Variants in CAAP1 observed in about 807,000 individuals in gnomAD.
CAAP1 encodes the protein conserved anti-apoptotic protein.
A neutral mutation model predicts 34.0 loss-of-function variants in CAAP1; 20 were observed. The observed-to-expected ratio is 0.59, with a 90% CI of 0.41 to 0.86. CAAP1 has a LOEUF of 0.86. Among genes scored for constraint, CAAP1 ranks in the 40% least tolerant of loss-of-function variants. CAAP1 has a pLI of 0.00. For missense variants in CAAP1, 538 were observed against 450.5 expected (o/e 1.19, Z -1.76); for synonymous variants, 213 against 166.7 (o/e 1.28, Z -2.14).
chr9:26,852,297 T>C (rs1822771579), intron 5 of CAAP1, among the ~76,000 whole-genome samples: 1 of 151,914 alleles, frequency 6.6e-6, no homozygotes, highest in Admixed American at 6.6e-5. Context: ...CTATTAAAAA[T>C]ACAAAAAATT....
chr9:26,889,231 A>C (rs1823837405), intron 1 of CAAP1, among the ~76,000 whole-genome samples: 1 of 152,100 alleles, frequency 6.6e-6, no homozygotes, highest in African/African-American at 2.4e-5. Flanking sequence ...AGCCTGGCCA[A>C]CATGGTGAAA....
chr9:26,885,201 C>T (rs1356393735), intron 3 of CAAP1, among the ~76,000 whole-genome samples: 5 of 151,424 alleles, frequency 3.3e-5, no homozygotes, highest in Non-Finnish European at 7.4e-5. Flanking sequence ...CTCAGCCTCC[C>T]GAGCAGCTGG....
chr9:26,862,461 G>T (rs1823024488), intron 4 of CAAP1, among the ~76,000 whole-genome samples: 1 of 151,242 alleles, frequency 6.6e-6, no homozygotes, highest in South Asian at 2.1e-4. Flanking sequence ...ACCAATAAGA[G>T]GAGGATGGAT....
chr9:26,865,713 T>G (rs1823120578), intron 4 of CAAP1, among the ~76,000 whole-genome samples: 1 of 152,188 alleles, frequency 6.6e-6, no homozygotes, highest in South Asian at 2.1e-4. Flanking sequence ...AAGTACTAAT[T>G]CTAAAGACTT....
In CAAP1 at chr9:26,891,304, T is replaced by C. The variant is rs1450202105; in HGVS notation, c.303+1109A>G. 2.0e-5 allele frequency among the ~76,000 whole-genome samples: 3 copies of C among 152,218 alleles called. No individual in the cohort carries two copies. In the East Asian group the frequency reaches 5.8e-4, roughly 29 times the overall value. Reference sequence around the variant, plus strand: ...GGAAAATAAAAATTAAAACAAACTATTAATTTGACCCACTAGTCTGGCAAT... The same window carrying C: ...GGAAAATAAAAATTAAAACAAACTACTAATTTGACCCACTAGTCTGGCAAT... On this transcript the variant is annotated intron_variant, in intron 1 of 5. Coordinates refer to ENST00000333916, the MANE Select transcript of CAAP1 (RefSeq NM_024828.4).
intron 4 of CAAP1, among the ~76,000 whole-genome samples, chr9:26,884,006 G>T (rs960984365): frequency 6.6e-6 from 1 of 152,098 alleles, no homozygotes; most frequent in Admixed American, 6.5e-5. Context: ...ACTTCTCTAT[G>T]CTACTGCCCC....
intron 5 of CAAP1, among the ~76,000 whole-genome samples, chr9:26,844,177 G>C (rs1207330062): frequency 6.6e-6 from 1 of 152,044 alleles, no homozygotes. Context: ...GACCAACATG[G>C]AGAAATCCCA....
At chr9:26,849,096 CAA>C (rs953811259) in intron 5 of CAAP1, among the ~76,000 whole-genome samples, 4 of 152,108 alleles carry the variant, frequency 2.6e-5, no homozygotes, top group Non-Finnish European at 5.9e-5. Context: ...AGCAGGAAAA[CAA>C]GAGAAATAGT....
intron 4 of CAAP1, among the ~76,000 whole-genome samples, chr9:26,879,284 T>C (rs1823525725): frequency 6.6e-6 from 1 of 152,186 alleles, no homozygotes; most frequent in South Asian, 2.1e-4. Context: ...ATGATGTCAT[T>C]TTTTTCCAGA....
At chr9:26,874,420 T>C (rs1293661703) in intron 4 of CAAP1, among the ~76,000 whole-genome samples, 1 of 152,078 alleles carries the variant, frequency 6.6e-6, no homozygotes, top group East Asian at 1.9e-4. Flanking sequence ...AAACAATAAA[T>C]TATTGTTAAC....
intron 4 of CAAP1, among the ~76,000 whole-genome samples, chr9:26,870,679 C>T (rs948994722): frequency 6.6e-5 from 10 of 151,184 alleles, no homozygotes; most frequent in African/African-American, 1.9e-4. Flanking sequence ...TGCAATGGCG[C>T]GATCTCGGCT....
intron 4 of CAAP1, among the ~76,000 whole-genome samples, chr9:26,863,087 G>GT (rs983195935): frequency 1.6e-4 from 24 of 152,108 alleles, no homozygotes; most frequent in African/African-American, 5.3e-4. Flanking sequence ...ATAATGCAAT[G>GT]TAACTGCCTT....
intron 5 of CAAP1, among the ~76,000 whole-genome samples, chr9:26,843,210 C>G (rs1409399387): frequency 6.6e-6 from 1 of 152,154 alleles, no homozygotes; most frequent in Non-Finnish European, 1.5e-5. Context: ...AGGCCATTTT[C>G]TAAGGTAAAA....
intron 5 of CAAP1, among the ~76,000 whole-genome samples, chr9:26,855,682 T>G (rs942030567): frequency 6.6e-6 from 1 of 152,182 alleles, no homozygotes; most frequent in African/African-American, 2.4e-5. Flanking sequence ...AATTAAATCA[T>G]AGACTATGAT....
chr9:26,847,198 A>ATTTTTTTTTTTTTTTTTTTTTTT lies in CAAP1; in HGVS notation c.740-4574_740-4552dup, dbSNP rs1171628621. On this transcript the variant is annotated intron_variant, in intron 5 of 5. Transcript: ENST00000333916. ...TTTTTACTAGTAAGTAAAAAGCAATATTTTTTTTTTTTTTTTTTTTTTTTT... is the reference window on the plus strand; with the variant it reads ...TTTTTACTAGTAAGTAAAAAGCAATATTTTTTTTTTTTTTTTTTTTTTTTTTTTTTTTTTTTTTTTTTTTTTTT... Among the ~76,000 whole-genome samples the ATTTTTTTTTTTTTTTTTTTTTTT allele has an allele frequency of 5.8e-5, 2 of 34,750 alleles. 1 individual carries two copies. Among genetic ancestry groups the ATTTTTTTTTTTTTTTTTTTTTTT allele is most frequent in the Non-Finnish European group, 1.0e-4 (2 of 20,062 alleles). 22.8% of individuals were successfully genotyped at this position (34,750 alleles called of 152,430 possible).
intron 4 of CAAP1, among the ~76,000 whole-genome samples, chr9:26,866,586 A>G (rs1224858470): frequency 1.3e-5 from 2 of 152,230 alleles, no homozygotes; most frequent in Non-Finnish European, 2.9e-5. Context: ...ACTCTGGTAT[A>G]ACATTTCTGA....
At chr9:26,886,943 C>T (rs753969330) in intron 2 of CAAP1, among the ~76,000 whole-genome samples, 8 of 152,164 alleles carry the variant, frequency 5.3e-5, no homozygotes, top group African/African-American at 1.9e-4. Flanking sequence ...ACGCCAGGCA[C>T]GGTGGCTCAC....
chr9:26,846,697 T>C (rs1292755898), intron 5 of CAAP1, among the ~76,000 whole-genome samples: 4 of 152,038 alleles, frequency 2.6e-5, no homozygotes, highest in African/African-American at 9.7e-5. Context: ...TTTTCTTCTT[T>C]TTTTTTTGAG....
chr9:26,875,197 C>A (rs1410379973), intron 4 of CAAP1, among the ~76,000 whole-genome samples: 1 of 152,098 alleles, frequency 6.6e-6, no homozygotes, highest in Non-Finnish European at 1.5e-5. Flanking sequence ...CCAGCCTAGG[C>A]AACATGGTGA....
Sources: allele counts gnomAD v4.1 joint callset (sites outside exome capture counted in the v4.1 genomes callset), GRCh38; gene constraint gnomAD v4.1.1; transcripts MANE v1.5; gene names NCBI Gene and HGNC (gene_info 2026-07-23, HGNC 2026-07-21).